Variants in MME observed in about 807,000 individuals in gnomAD.
MME encodes the protein neprilysin.
MME carries 98 observed loss-of-function variants against 113.2 expected under a neutral mutation model. That is an observed-to-expected ratio of 0.87 (90% confidence interval 0.74 to 1.02). MME has a LOEUF of 1.02. MME is among the 50% of genes least tolerant of loss of function. The probability of loss-of-function intolerance (pLI) is 0.00; values close to 1 mark genes in which losing one functional copy is unlikely to be tolerated. For missense variants in MME, 836 were observed against 896.0 expected (o/e 0.93, Z 0.86); for synonymous variants, 292 against 300.6 (o/e 0.97, Z 0.30).
intron 17 of MME, among the ~76,000 whole-genome samples, chr3:155,162,385 G>A (rs547111007): frequency 8.6e-5 from 13 of 151,978 alleles, no homozygotes; most frequent in Admixed American, 3.3e-4. Flanking sequence ...GAAGCACACA[G>A]AAAAAGGAAA....
intron 22 of MME, 87 bp from the exon 23 acceptor site, chr3:155,180,273 C>A: frequency 1.1e-6 from 1 of 937,834 alleles, no homozygotes; most frequent in Non-Finnish European, 1.8e-6. Flanking sequence ...ATTCACTTGA[C>A]CTGCAGAGGG....
At chr3:155,110,582 T>A (rs1445096275) in intron 3 of MME, among the ~76,000 whole-genome samples, 1 of 152,246 alleles carries the variant, frequency 6.6e-6, no homozygotes, top group East Asian at 1.9e-4. Context: ...TGTCATTTAT[T>A]ATCAGCTCGA....
chr3:155,116,290 G>T (rs1257835735), intron 4 of MME, among the ~76,000 whole-genome samples, 189 bp from the exon 5 acceptor site: 1 of 152,036 alleles, frequency 6.6e-6, no homozygotes, highest in Non-Finnish European at 1.5e-5. Flanking sequence ...TGATAATCTG[G>T]TAAGGGGTTT....
At position 155,116,422 on chromosome 3, in the gene MME, T is replaced by G. The variant is rs1431236619; in HGVS notation, c.359-57T>G. The G allele has an allele frequency of 5.6e-6, 7 of 1,252,060 alleles. No individual in the cohort carries two copies. The East Asian group carries it at 1.6e-4, about 29-fold the overall frequency. The allele number at this position is 1,252,060 out of a possible 1,614,324, so 77.6% of individuals were successfully genotyped here. On this transcript the variant is annotated intron_variant, in intron 4 of 22. Coordinates refer to ENST00000360490, the MANE Select transcript of MME (RefSeq NM_007289.4). The stretch of plus-strand genomic sequence containing the variant: ...AATTACTGCAAATGAGCAATTATGT[T>G]TGCATAGTGCAAATGAGCAATTATG...
At chr3:155,038,001 CAGAT>C (rs1305486680) in intron 1 of MME, among the ~76,000 whole-genome samples, 4 of 152,070 alleles carry the variant, frequency 2.6e-5, no homozygotes, top group African/African-American at 7.2e-5. Flanking sequence ...TGTAATGAAA[CAGAT>C]AGTCTAATGA....
intron 3 of MME, among the ~76,000 whole-genome samples, chr3:155,113,367 C>T (rs745609230): frequency 2.6e-5 from 4 of 152,296 alleles, no homozygotes; most frequent in Non-Finnish European, 4.4e-5. Flanking sequence ...GCAACCTCCA[C>T]CTCCCGAGTT....
At chr3:155,055,682 G>A (rs368613795) in intron 1 of MME, among the ~76,000 whole-genome samples, 2 of 152,108 alleles carry the variant, frequency 1.3e-5, no homozygotes, top group Non-Finnish European at 2.9e-5. Context: ...TAAAAGTTAG[G>A]ATAATGTTTA....
intron 1 of MME, among the ~76,000 whole-genome samples, chr3:155,052,120 G>A (rs113591956): frequency 6.6e-6 from 1 of 152,188 alleles, no homozygotes; most frequent in Non-Finnish European, 1.5e-5. Flanking sequence ...TGATGTAAGA[G>A]GTGGGCTTCC....
chr3:155,174,515 G>A lies in MME; in HGVS notation c.2153+1903G>A, dbSNP rs185454138. On this transcript the variant is annotated intron_variant, in intron 22 of 22. Transcript: ENST00000360490. ...TTTGGAAACAGGCCACTTCCTGGCT[G>A]TACAAAGTAAAACATATTTTTTAAA... 3.9e-4 allele frequency among the ~76,000 whole-genome samples: 59 copies of A among 151,996 alleles called. 1 individual carries two copies. In the East Asian group the frequency reaches 9.1e-3, roughly 23 times the overall value.
At chr3:155,046,817 A>C (rs1480249310) in intron 1 of MME, among the ~76,000 whole-genome samples, 1 of 152,242 alleles carries the variant, frequency 6.6e-6, no homozygotes, top group Non-Finnish European at 1.5e-5. Flanking sequence ...AAAAAGTAAA[A>C]ATAAGTAAAC....
intron 8 of MME, among the ~76,000 whole-genome samples, chr3:155,119,416 T>C (rs1718908307): frequency 7.1e-6 from 1 of 140,042 alleles, no homozygotes; most frequent in African/African-American, 2.6e-5. Context: ...TGCTCTTTTT[T>C]TTTTTTTTTT....
At chr3:155,111,798 GC>G (rs1288730672) in intron 3 of MME, among the ~76,000 whole-genome samples, 1 of 152,070 alleles carries the variant, frequency 6.6e-6, no homozygotes, top group Non-Finnish European at 1.5e-5. Context: ...AAACAGAAGT[GC>G]CCCCTCCAAA....
intron 22 of MME, among the ~76,000 whole-genome samples, chr3:155,173,993 T>G (rs1295304693): frequency 6.6e-6 from 1 of 151,932 alleles, no homozygotes; most frequent in Non-Finnish European, 1.5e-5. Flanking sequence ...AGAGCCTATT[T>G]TGTGTGTGTG....
At chr3:155,078,371 A>G (rs920559605), upstream of MME, among the ~76,000 whole-genome samples, 1 of 152,166 alleles carries the variant, frequency 6.6e-6, no homozygotes, top group East Asian at 1.9e-4. Flanking sequence ...ATAGACGTCA[A>G]TAGCACTTGT....
intron 1 of MME, among the ~76,000 whole-genome samples, chr3:155,040,583 T>C (rs185886644): frequency 3.0e-4 from 45 of 151,848 alleles, no homozygotes; most frequent in Admixed American, 4.6e-4. Context: ...GAAAGGGAGA[T>C]AGAGAAAGAC....
At chr3:155,084,494 T>G (rs1228187843) in intron 2 of MME, 167 bp downstream of exon 2, 1 of 701,566 alleles carries the variant, frequency 1.4e-6, no homozygotes, top group Non-Finnish European at 2.4e-6. Context: ...TAATTAACTT[T>G]GAAGTACGGT....
chr3:155,104,757 CT>C (rs1717551925), intron 3 of MME, among the ~76,000 whole-genome samples: 1 of 152,140 alleles, frequency 6.6e-6, no homozygotes, highest in Non-Finnish European at 1.5e-5. Context: ...ACAATGTAGC[CT>C]TTTCATGACC....
chr3:155,031,408 A>G (rs1712966118), intron 1 of MME, among the ~76,000 whole-genome samples: 1 of 152,014 alleles, frequency 6.6e-6, no homozygotes, highest in Non-Finnish European at 1.5e-5. Flanking sequence ...TGCCTAAGAG[A>G]TGTGTGGGAG....
chr3:155,029,461 TTTTTG>T (rs1192811129), intron 1 of MME, among the ~76,000 whole-genome samples: 1 of 152,034 alleles, frequency 6.6e-6, no homozygotes, highest in African/African-American at 2.4e-5. Context: ...CATTTTTATG[TTTTTG>T]TTTTTTCTAA....
Sources: allele counts gnomAD v4.1 joint callset (sites outside exome capture counted in the v4.1 genomes callset), GRCh38; gene constraint gnomAD v4.1.1; transcripts MANE v1.5; gene names NCBI Gene and HGNC (gene_info 2026-07-23, HGNC 2026-07-21).